The following SRP68 variants were observed in gnomAD, a reference collection of about 807,000 sequenced individuals.
SRP68 encodes signal recognition particle 68, also known as signal recognition particle subunit SRP68.
In SRP68, 15 loss-of-function variants were observed where a neutral mutation model predicts 82.2. The ratio of observed to expected loss-of-function variants is 0.18; its 90% CI spans 0.12 to 0.28. SRP68 has a LOEUF of 0.28. Among genes scored for constraint, SRP68 ranks in the 10% least tolerant of loss-of-function variants. SRP68 has a pLI of 1.00. For missense variants in SRP68, 595 were observed against 780.5 expected, an observed-to-expected ratio of 0.76 and a Z score of 2.83; for synonymous variants, 261 against 292.6, an observed-to-expected ratio of 0.89 and a Z score of 1.10.
intron 12 of SRP68, 33 bp downstream of exon 12, chr17:76,045,259 C>T (rs767168737): frequency 2.3e-5 from 35 of 1,549,480 alleles, no homozygotes; most frequent in Admixed American, 1.5e-4. Context: ...ACCTGGGAGG[C>T]GGAGGAAAAC....
At chr17:76,061,795 A>G in intron 4 of SRP68, 1 of 306,144 alleles carries the variant, frequency 3.3e-6, no homozygotes, top group Non-Finnish European at 6.0e-6. Context: ...CCCTGCCTCT[A>G]CAAAAAAATT....
At position 76,064,066 on chromosome 17, in the gene SRP68, A is replaced by C; in HGVS notation, c.471T>G (p.Ser157=). ...CATGCTTCACGGCTTTGCGTAGGCG[A>C]GATAACAAGTGAAACCGTTTTCGGG... The part of the protein sequence containing the change: ...TEPRKRFHLL[S]RLRKAVKHAE... Residue 157 remains serine (S), a synonymous_variant, in exon 4 of 16, where the codon TCT becomes TCG. Coordinates refer to ENST00000307877, the MANE Select transcript of SRP68 (RefSeq NM_014230.4). 1 of 1,614,224 alleles carries C rather than the reference A, an allele frequency of 6.2e-7. No homozygotes were observed. The highest frequency in any genetic ancestry group is 8.5e-7 in the Non-Finnish European group (1 of 1,180,038).
chr17:76,051,612 CTCTTT>C (rs2066673013), intron 8 of SRP68, among the ~76,000 whole-genome samples: 1 of 152,140 alleles, frequency 6.6e-6, no homozygotes, highest in South Asian at 2.1e-4. Flanking sequence ...TCTATTTCTT[CTCTTT>C]TCTTAGTCTC....
rs1048005241 is a variant in SRP68 at position 76,039,128 on chromosome 17, T to G, written c.*578A>C. On this transcript the variant is annotated 3_prime_UTR_variant, in exon 16 of 16. Transcript: ENST00000307877. ...TCTCCGTCATCTTTGCCTTTTAATA[T>G]AAGATTTGGTTTCATCATTTCTGAG... is the stretch of plus-strand genomic sequence containing the variant. The G allele has an allele frequency of 1.1e-4, 35 of 321,770 alleles. No individual in the cohort carries two copies. Among genetic ancestry groups the G allele is most frequent in the African/African-American group, 7.3e-4 (34 of 46,418 alleles). The allele number at this position is 321,770 out of a possible 1,614,324, so 19.9% of individuals were successfully genotyped here.
At chr17:76,066,697 G>A (rs977005869) in intron 3 of SRP68, among the ~76,000 whole-genome samples, 8 of 150,700 alleles carry the variant, frequency 5.3e-5, no homozygotes, top group African/African-American at 1.5e-4. Context: ...AGGAAGGGGG[G>A]CTCCAAAGCT....
intron 2 of SRP68, among the ~76,000 whole-genome samples, chr17:76,069,178 A>C (rs1301006094): frequency 6.6e-6 from 1 of 151,604 alleles, no homozygotes. Flanking sequence ...ACTTGAGGTC[A>C]GGAGTTCGAG....
At chr17:76,051,678 A>G (rs2066673905) in intron 8 of SRP68, among the ~76,000 whole-genome samples, 4 of 152,192 alleles carry the variant, frequency 2.6e-5, no homozygotes, top group Admixed American at 2.6e-4. Flanking sequence ...CAAATCAAAC[A>G]TACTTTTCCA....
At chr17:76,059,484 G>A (rs999007297) in intron 7 of SRP68, among the ~76,000 whole-genome samples, 1 of 152,106 alleles carries the variant, frequency 6.6e-6, no homozygotes, top group Non-Finnish European at 1.5e-5. Flanking sequence ...GGAGGTTGCA[G>A]TGAGCCAAGA....
chr17:76,041,291 A>G (rs1344127454), intron 13 of SRP68: 3 of 197,480 alleles, frequency 1.5e-5, no homozygotes, highest in Non-Finnish European at 3.1e-5. Context: ...CCTTCTCAAT[A>G]ATCCTGAGGC....
chr17:76,063,410 G>A (rs560963107), intron 4 of SRP68, among the ~76,000 whole-genome samples: 2 of 152,126 alleles, frequency 1.3e-5, no homozygotes, highest in Non-Finnish European at 2.9e-5. Context: ...AGATGGCCAC[G>A]TGCAGTGGCT....
At chr17:76,047,841 CAT>C in intron 10 of SRP68, 63 bp downstream of exon 10, 1 of 813,712 alleles carries the variant, frequency 1.2e-6, no homozygotes. Flanking sequence ...ATAAATATTA[CAT>C]ATACTCTTTT....
chr17:76,051,857 C>T (rs915714854), intron 8 of SRP68, among the ~76,000 whole-genome samples: 5 of 152,174 alleles, frequency 3.3e-5, no homozygotes, highest in Non-Finnish European at 7.3e-5. Context: ...CTACGTGCAC[C>T]GTCCAATGAA....
intron 8 of SRP68, among the ~76,000 whole-genome samples, chr17:76,051,916 T>A (rs2066675754): frequency 6.6e-6 from 1 of 152,184 alleles, no homozygotes; most frequent in African/African-American, 2.4e-5. Context: ...TTTTATTATT[T>A]TATGTTTTTG....
chr17:76,053,051 C>T (rs2066686343), intron 8 of SRP68, among the ~76,000 whole-genome samples: 1 of 151,634 alleles, frequency 6.6e-6, no homozygotes, highest in Admixed American at 6.6e-5. Flanking sequence ...CACTTGAGTC[C>T]AGGAGTTTGA....
chr17:76,042,553 A>G lies in SRP68; in HGVS notation c.1524+1276T>C, dbSNP rs2066599590. Among the ~76,000 whole-genome samples the G allele has an allele frequency of 9.2e-5, 14 of 151,966 alleles. No individual in the cohort carries two copies. In the South Asian group the frequency reaches 2.9e-3, roughly 32 times the overall value. On this transcript the variant is annotated intron_variant, in intron 13 of 15. Coordinates refer to ENST00000307877, the MANE Select transcript of SRP68 (RefSeq NM_014230.4). ...TCCATCTTAAAAAAAAAAAAAAAAA[A>G]AAGTAAAGCAAAGAAAGCCTTCCAT... is the stretch of plus-strand genomic sequence containing the variant.
At chr17:76,043,041 GGAGTTCGAGGCCAT>G (rs2066603040) in intron 13 of SRP68, among the ~76,000 whole-genome samples, 1 of 152,070 alleles carries the variant, frequency 6.6e-6, no homozygotes, top group Admixed American at 6.6e-5. Flanking sequence ...CTTGAGGCCA[GGAGTTCGAGGCCAT>G]GAGTTCAAGG....
At chr17:76,055,077 C>T (rs891520734) in intron 8 of SRP68, among the ~76,000 whole-genome samples, 1 of 151,688 alleles carries the variant, frequency 6.6e-6, no homozygotes, top group African/African-American at 2.4e-5. Flanking sequence ...CTGCCTCAGC[C>T]TCCCGAGTAG....
chr17:76,046,458 C>T (rs1442050662), intron 10 of SRP68, among the ~76,000 whole-genome samples: 20 of 117,214 alleles, frequency 1.7e-4, no homozygotes, highest in African/African-American at 7.5e-4. Flanking sequence ...TCAAGAACCA[C>T]ACAGTGGAAA....
chr17:76,060,268 T>C, intron 7 of SRP68, 40 bp downstream of exon 7: 6 of 1,415,720 alleles, frequency 4.2e-6, no homozygotes, highest in Non-Finnish European at 6.0e-6. Context: ...TTCTGGACTT[T>C]GTCCAAAGAC....
Sources: allele counts gnomAD v4.1 joint callset (sites outside exome capture counted in the v4.1 genomes callset), GRCh38; gene constraint gnomAD v4.1.1; transcripts MANE v1.5; gene names NCBI Gene and HGNC (gene_info 2026-07-23, HGNC 2026-07-21).